The following ST7L variants were observed in gnomAD, a reference collection of about 807,000 sequenced individuals.
The protein encoded by ST7L is suppressor of tumorigenicity 7 protein-like.
Under a neutral mutation model 72.5 loss-of-function variants are expected in ST7L, and 57 were observed. That is an observed-to-expected ratio of 0.79 (90% CI 0.64 to 0.98). The LOEUF is 0.98. ST7L is among the 50% of genes least tolerant of loss of function. ST7L has a pLI of 0.00. For missense variants in ST7L, 576 were observed against 672.2 expected (o/e 0.86, Z 1.58); for synonymous variants, 221 against 240.9 (o/e 0.92, Z 0.77).
intron 11 of ST7L, among the ~76,000 whole-genome samples, chr1:112,568,131 T>G (rs1661335663): frequency 6.6e-6 from 1 of 152,150 alleles, no homozygotes; most frequent in Admixed American, 6.6e-5. Context: ...TTGAGGCTTG[T>G]GCACGCATGT....
intron 3 of ST7L, among the ~76,000 whole-genome samples, chr1:112,605,062 G>A (rs1182023136): frequency 1.5e-5 from 2 of 131,646 alleles, no homozygotes; most frequent in Non-Finnish European, 3.1e-5. Flanking sequence ...ATTCCAGCCT[G>A]AGCAGCAAGA....
intron 2 of ST7L, among the ~76,000 whole-genome samples, chr1:112,613,892 T>C (rs963655938): frequency 1.3e-5 from 2 of 152,094 alleles, no homozygotes; most frequent in African/African-American, 4.8e-5. Context: ...CACAACGCGC[T>C]AAATTTTTAA....
In ST7L at chr1:112,578,390, A is replaced by AT. The variant is rs774420621; in HGVS notation, c.1096dup (p.Ile366AsnfsTer33). On this transcript the variant is annotated frameshift_variant, in exon 10 of 15. Coordinates refer to ENST00000358039, the MANE Select transcript of ST7L (RefSeq NM_017744.5). LOFTEE classifies it high-confidence loss of function. ...CTTCAACAGTGCTGCTGTGTAACAG[A>AT]TTGCTGCTGACTTTGGAAGGCTTAT... The AT allele has an allele frequency of 1.7e-5, 27 of 1,614,020 alleles. No homozygotes were observed. The highest frequency in any genetic ancestry group is 1.9e-5 in the Non-Finnish European group (23 of 1,180,004).
At chr1:112,533,177 A>C (rs1654656070) in intron 14 of ST7L, among the ~76,000 whole-genome samples, 1 of 147,096 alleles carries the variant, frequency 6.8e-6, no homozygotes, top group Non-Finnish European at 1.5e-5. Flanking sequence ...CATTTTAAGC[A>C]CTTAGAGAGG....
intron 12 of ST7L, among the ~76,000 whole-genome samples, chr1:112,552,330 T>C (rs751189813): frequency 6.6e-6 from 1 of 152,168 alleles, no homozygotes; most frequent in Non-Finnish European, 1.5e-5. Flanking sequence ...GCTGTAGTCA[T>C]CAAAATTGCG....
At chr1:112,522,534 T>C (rs1652937477), downstream of ST7L, 1 of 152,224 alleles carries the variant, frequency 6.6e-6, no homozygotes, top group African/African-American at 2.4e-5. Context: ...TCCTCTCCAA[T>C]ATCCCTTGGG....
chr1:112,581,578 A>T (rs1002195298), intron 9 of ST7L, among the ~76,000 whole-genome samples: 3 of 151,778 alleles, frequency 2.0e-5, no homozygotes, highest in Non-Finnish European at 4.4e-5. Context: ...TTTTTAAAAA[A>T]TTTTTTTGTA....
At chr1:112,593,155 C>CT (rs1463940757) in intron 5 of ST7L, among the ~76,000 whole-genome samples, 1 of 152,048 alleles carries the variant, frequency 6.6e-6, no homozygotes, top group Non-Finnish European at 1.5e-5. Context: ...TCTAATTCAC[C>CT]TTTAAATATT....
At chr1:112,547,729 A>G (rs1337433234) in intron 13 of ST7L, among the ~76,000 whole-genome samples, 1 of 149,716 alleles carries the variant, frequency 6.7e-6, no homozygotes, top group Non-Finnish European at 1.5e-5. Flanking sequence ...TGCCGGGCTA[A>G]TTTTTTGTAG....
intron 14 of ST7L, 129 bp from the exon 15 acceptor site, chr1:112,526,240 CTT>C: frequency 7.7e-7 from 1 of 1,290,998 alleles, no homozygotes; most frequent in Non-Finnish European, 1.1e-6. Flanking sequence ...ACCAATGGCT[CTT>C]TTGCCATTTC....
intron 11 of ST7L, among the ~76,000 whole-genome samples, chr1:112,569,696 C>T (rs550385263): frequency 6.6e-5 from 10 of 152,270 alleles, no homozygotes; most frequent in South Asian, 2.1e-4. Flanking sequence ...CAGTGGCTTA[C>T]GCCTGTAATC....
intron 13 of ST7L, among the ~76,000 whole-genome samples, chr1:112,546,408 T>C (rs961049972): frequency 1.3e-5 from 2 of 151,006 alleles, no homozygotes; most frequent in African/African-American, 4.9e-5. Flanking sequence ...GACATGTAAA[T>C]AGAGGGCTGT....
intron 14 of ST7L, among the ~76,000 whole-genome samples, chr1:112,531,859 T>C (rs1293123080): frequency 1.3e-5 from 2 of 152,190 alleles, no homozygotes; most frequent in African/African-American, 2.4e-5. Flanking sequence ...TCTTTACAAA[T>C]CTAAACTTTG....
intron 11 of ST7L, among the ~76,000 whole-genome samples, chr1:112,561,141 T>G (rs752395732): frequency 7.2e-5 from 11 of 152,084 alleles, no homozygotes; most frequent in Admixed American, 2.0e-4. Flanking sequence ...AAGAAGAATA[T>G]AAAAGATTAA....
chr1:112,520,894 T>G (rs1172811679), downstream of ST7L: 1 of 197,776 alleles, frequency 5.1e-6, no homozygotes, highest in East Asian at 1.3e-4. Context: ...GAGCTTCTTT[T>G]TGTTTCTACC....
In ST7L at chr1:112,555,898, G is replaced by A; in HGVS notation, c.1366C>T (p.Leu456Phe). ...TCCCATGTACACTGTAACAGATTAA[G>A]AGCACCTTCTATTCGTTTCCAGTGC... Reference protein sequence around the residue: ...LQHWKRIEGALNLLQCTWEGT... With the variant: ...LQHWKRIEGAFNLLQCTWEGT... The change falls in exon 12 of 15, where the codon CTT becomes TTT. Residue 456 changes from leucine (L) to phenylalanine (F), a missense_variant. Leu to Phe is a conservative substitution (Grantham distance 22). Coordinates refer to ENST00000358039, the MANE Select transcript of ST7L (RefSeq NM_017744.5). The A allele has an allele frequency of 6.2e-7, 1 of 1,607,404 alleles. No homozygotes were observed. The highest frequency in any genetic ancestry group is 1.1e-5 in the South Asian group (1 of 89,930).
At position 112,619,025 on chromosome 1, in the gene ST7L, C is replaced by T. The variant is rs753129509; in HGVS notation, c.89G>A (p.Arg30Lys). The change falls in exon 1 of 15, where the codon AGG becomes AAG. Residue 30 changes from arginine to lysine, a missense_variant. Physicochemically the swap from Arg to Lys is conservative, Grantham distance 26 (BLOSUM62 2). Around this residue, in one of 3 missense-constraint regions of ST7L, gnomAD observed 56 missense variants for 45.8 expected, o/e 1.22. Transcript: ENST00000358039. The stretch of plus-strand genomic sequence containing the variant: ...CGCCAGCCCGGCCCGCAGTCGCTCC[C>T]TCCAGCCTAGCGTCGGGTTTAGGCC... ...VPGLNPTLGWRERLRAGLAGT... is the reference protein window; with the variant it reads ...VPGLNPTLGWKERLRAGLAGT... The T allele has an allele frequency of 1.2e-6, 2 of 1,613,902 alleles. No individual in the cohort carries two copies. The highest frequency in any genetic ancestry group is 2.2e-5 in the South Asian group (2 of 91,056).
At chr1:112,539,508 TAGCTG>T (rs1343503759) in intron 14 of ST7L, among the ~76,000 whole-genome samples, 1 of 152,052 alleles carries the variant, frequency 6.6e-6, no homozygotes, top group Non-Finnish European at 1.5e-5. Context: ...ATACAAAAGT[TAGCTG>T]GGCGTTGTGG....
chr1:112,613,687 C>T (rs112819283), intron 2 of ST7L, among the ~76,000 whole-genome samples: 20 of 152,052 alleles, frequency 1.3e-4, no homozygotes, highest in Non-Finnish European at 2.4e-4. Flanking sequence ...ATTTAAAATG[C>T]GGTTTTATAA....
Sources: allele counts gnomAD v4.1 joint callset (sites outside exome capture counted in the v4.1 genomes callset), GRCh38; gene constraint gnomAD v4.1.1; regional missense constraint gnomAD v4.1.1; transcripts MANE v1.5; gene names NCBI Gene and HGNC (gene_info 2026-07-23, HGNC 2026-07-21).